MGAT5: variants seen among roughly 807,000 people sequenced by gnomAD.
MGAT5 encodes the protein alpha-1,6-mannosylglycoprotein 6-beta-N-acetylglucosaminyltransferase, also known as alpha-1,6-mannosylglycoprotein 6-beta-N-acetylglucosaminyltransferase A.
A neutral mutation model predicts 94.3 loss-of-function variants in MGAT5; 30 were observed. The observed-to-expected ratio is 0.32, with a 90% CI of 0.24 to 0.43. MGAT5 has a LOEUF of 0.43. MGAT5 is among the 20% of genes least tolerant of loss of function. The pLI is 1.00. For missense variants in MGAT5, 691 were observed against 905.5 expected, an observed-to-expected ratio of 0.76 and a Z score of 3.04; for synonymous variants, 310 against 322.9, an observed-to-expected ratio of 0.96 and a Z score of 0.43.
intron 10 of MGAT5, 132 bp from the exon 11 acceptor site, chr2:134,402,856 C>A: frequency 1.1e-6 from 1 of 890,958 alleles, no homozygotes; most frequent in Admixed American, 3.5e-5. Context: ...GTTTGATTGC[C>A]AAATTCCTGT....
intron 1 of MGAT5, among the ~76,000 whole-genome samples, chr2:134,162,489 G>A (rs1355583806): frequency 6.6e-6 from 1 of 152,148 alleles, no homozygotes; most frequent in East Asian, 1.9e-4. Context: ...CTATGTACTG[G>A]GAACTTTAGG....
chr2:134,371,115 T>C (rs1474576275), intron 10 of MGAT5, among the ~76,000 whole-genome samples: 2 of 152,198 alleles, frequency 1.3e-5, no homozygotes, highest in Admixed American at 1.3e-4. Flanking sequence ...GAGACACTGA[T>C]TGGACATGGT....
chr2:134,216,715 A>G (rs773200709), intron 1 of MGAT5, among the ~76,000 whole-genome samples: 7 of 152,312 alleles, frequency 4.6e-5, no homozygotes, highest in Middle Eastern at 3.4e-3. Context: ...ATTTGGTATC[A>G]ATTTTTATGC....
intron 8 of MGAT5, among the ~76,000 whole-genome samples, chr2:134,347,924 T>A (rs1689016846): frequency 6.6e-6 from 1 of 152,184 alleles, no homozygotes; most frequent in Non-Finnish European, 1.5e-5. Flanking sequence ...CACAAAGTAG[T>A]GCTGGTGAAT....
intron 1 of MGAT5, among the ~76,000 whole-genome samples, chr2:134,208,213 C>T (rs1377772462): frequency 6.6e-6 from 1 of 152,066 alleles, no homozygotes; most frequent in Non-Finnish European, 1.5e-5. Flanking sequence ...CACGTTACCA[C>T]CTATACTTGT....
At chr2:134,320,617 C>T (rs113105587) in intron 4 of MGAT5, among the ~76,000 whole-genome samples, 46 of 152,222 alleles carry the variant, frequency 3.0e-4, no homozygotes, top group East Asian at 1.4e-3. Flanking sequence ...TTCTGTCCCC[C>T]GTTTTTGTTT....
chr2:134,256,048 A>G lies in MGAT5; in HGVS notation c.241+1404A>G, dbSNP rs1408797048. Among the ~76,000 whole-genome samples, 22 of 152,212 alleles carry G rather than the reference A, an allele frequency of 1.4e-4. 1 individual carries two copies. Among genetic ancestry groups the G allele is most frequent in the Admixed American group, 1.4e-3 (22 of 15,276 alleles). Reference sequence around the variant, plus strand: ...TAGAAATTCTTTTCTAGTTCTTACTATGTAAATAATCACACTCTGCATTTA... The same window carrying G: ...TAGAAATTCTTTTCTAGTTCTTACTGTGTAAATAATCACACTCTGCATTTA... On this transcript the variant is annotated intron_variant, in intron 1 of 15. Transcript: ENST00000281923.
In MGAT5 at chr2:134,120,242, G is replaced by T. The variant is rs549322467; in HGVS notation, c.-192G>T. On this transcript the variant is annotated 5_prime_UTR_variant, in exon 1 of 17. Coordinates refer to the MGAT5 transcript ENST00000409645. Reference sequence around the variant, plus strand: ...CGACCTCGCGCCTCGGGCCGCGTGGGCACGGCGGCCGGCGGGTGCTCCCGG... The same window carrying T: ...CGACCTCGCGCCTCGGGCCGCGTGGTCACGGCGGCCGGCGGGTGCTCCCGG... 296 of 375,048 alleles carry T rather than the reference G, an allele frequency of 7.9e-4. 2 individuals are homozygous for T. Among genetic ancestry groups the T allele is most frequent in the African/African-American group, 5.3e-3 (253 of 47,576 alleles). The allele number at this position is 375,048 out of a possible 1,614,324, so 23.2% of individuals were successfully genotyped here.
intron 10 of MGAT5, among the ~76,000 whole-genome samples, chr2:134,390,756 T>C (rs1682352450): frequency 1.3e-5 from 2 of 149,514 alleles, no homozygotes; most frequent in South Asian, 4.4e-4. Context: ...CCCCCAAATC[T>C]AAGTGAAATA....
intron 2 of MGAT5, among the ~76,000 whole-genome samples, chr2:134,305,560 G>A (rs1365390449): frequency 6.6e-6 from 1 of 152,142 alleles, no homozygotes. Flanking sequence ...CTACATGTAT[G>A]GCTTTGCTTT....
intron 15 of MGAT5, among the ~76,000 whole-genome samples, chr2:134,446,700 G>A (rs1007703415): frequency 2.0e-5 from 3 of 152,214 alleles, no homozygotes; most frequent in African/African-American, 7.2e-5. Flanking sequence ...AGCAGGGGTG[G>A]TGGGGTATTT....
chr2:134,320,021 C>T (rs752587981), intron 4 of MGAT5: 6 of 199,052 alleles, frequency 3.0e-5, no homozygotes, highest in African/African-American at 4.7e-5. Context: ...TACAAGCAGC[C>T]TGCATAGGAT....
intron 1 of MGAT5, among the ~76,000 whole-genome samples, chr2:134,153,696 C>T (rs1687337105): frequency 6.6e-6 from 1 of 152,066 alleles, no homozygotes; most frequent in African/African-American, 2.4e-5. Flanking sequence ...TTCTGTATTG[C>T]CTGCTAGGCC....
At chr2:134,293,798 A>AC (rs1239695567) in intron 2 of MGAT5, among the ~76,000 whole-genome samples, 1 of 152,084 alleles carries the variant, frequency 6.6e-6, no homozygotes, top group African/African-American at 2.4e-5. Context: ...TAGCAGCCAA[A>AC]CCCCTTGAGT....
chr2:134,255,901 T>C (rs1232915093), intron 1 of MGAT5, among the ~76,000 whole-genome samples: 1 of 152,218 alleles, frequency 6.6e-6, no homozygotes, highest in African/African-American at 2.4e-5. Flanking sequence ...TGTGCTTCTT[T>C]CTTTCCAAAA....
At chr2:134,194,253 CA>C (rs1238304237) in intron 1 of MGAT5, among the ~76,000 whole-genome samples, 2 of 151,974 alleles carry the variant, frequency 1.3e-5, no homozygotes, top group African/African-American at 4.8e-5. Flanking sequence ...CTTGGGGGCA[CA>C]GAGTAAATTT....
intron 3 of MGAT5, 108 bp from the exon 4 acceptor site, chr2:134,318,542 A>T: frequency 1.2e-6 from 1 of 820,912 alleles, no homozygotes; most frequent in Non-Finnish European, 2.0e-6. Flanking sequence ...TCTTTAGGCC[A>T]CAGCTTGAGC....
At chr2:134,414,166 T>G (rs201428236) in intron 12 of MGAT5, among the ~76,000 whole-genome samples, 3,775 of 151,814 alleles carry the variant, frequency 0.025, 96 homozygotes, top group East Asian at 0.14. Flanking sequence ...TGTGGTTTTT[T>G]TTTTTTTTCC....
At chr2:134,295,043 C>G (rs1162203108) in intron 2 of MGAT5, among the ~76,000 whole-genome samples, 1 of 152,114 alleles carries the variant, frequency 6.6e-6, no homozygotes, top group African/African-American at 2.4e-5. Context: ...GCAAGTGTAC[C>G]CTTTCTGTAG....
Sources: gnomAD v4.1 joint callset for allele counts (sites outside exome capture counted in the v4.1 genomes callset) on GRCh38, gnomAD v4.1.1 for gene constraint, MANE v1.5 for transcripts, NCBI Gene and HGNC (gene_info 2026-07-23, HGNC 2026-07-21) for gene names.